The following PRKCE variants were observed in gnomAD, a reference collection of about 807,000 sequenced individuals.
The protein encoded by PRKCE is protein kinase C epsilon type.
PRKCE carries 16 observed loss-of-function variants against 85.4 expected under a neutral mutation model. The ratio of observed to expected loss-of-function variants is 0.19; its 90% CI spans 0.13 to 0.28. The LOEUF is 0.28. PRKCE is among the 10% of genes least tolerant of loss of function. The pLI is 1.00. For synonymous variants in PRKCE, 388 were observed against 371.5 expected (o/e 1.04, Z -0.51); for missense variants, 573 against 975.2 (o/e 0.59, Z 5.49).
chr2:46,082,529 C>T (rs959572344), intron 10 of PRKCE, among the ~76,000 whole-genome samples: 15 of 152,022 alleles, frequency 9.9e-5, no homozygotes, highest in Admixed American at 2.6e-4. Flanking sequence ...ATGTCAGAAC[C>T]GCAGTTGGAT....
rs1017078510 is a variant in PRKCE at position 45,715,664 on chromosome 2, G to T, written c.348+63216G>T. Reference sequence around the variant, plus strand: ...CAAGTCCCTTTTAAAAACAACATCTGCATGGTAAGGTATAAAGAGGAGATG... The same window carrying T: ...CAAGTCCCTTTTAAAAACAACATCTTCATGGTAAGGTATAAAGAGGAGATG... On this transcript the variant is annotated intron_variant, in intron 1 of 14. Transcript: ENST00000306156. Among the ~76,000 whole-genome samples, 5 of 152,302 alleles carry T rather than the reference G, an allele frequency of 3.3e-5. No individual in the cohort carries two copies. In the East Asian group the frequency reaches 9.6e-4, roughly 29 times the overall value.
intron 2 of PRKCE, among the ~76,000 whole-genome samples, chr2:45,855,689 C>T (rs1692616436): frequency 6.6e-6 from 1 of 152,136 alleles, no homozygotes; most frequent in African/African-American, 2.4e-5. Context: ...GGATTTTCTC[C>T]TCAAACTTAG....
intron 1 of PRKCE, among the ~76,000 whole-genome samples, chr2:45,758,459 A>T (rs1451756188): frequency 1.3e-5 from 2 of 152,226 alleles, no homozygotes; most frequent in Non-Finnish European, 2.9e-5. Context: ...AACTGCTTCT[A>T]GCTTGTCCCT....
At chr2:45,810,521 A>C (rs1343337499) in intron 1 of PRKCE, among the ~76,000 whole-genome samples, 1 of 152,214 alleles carries the variant, frequency 6.6e-6, no homozygotes, top group Non-Finnish European at 1.5e-5. Context: ...AGGTGAGCCT[A>C]TAATTAGCTG....
At chr2:45,688,358 T>C (rs113484344) in intron 1 of PRKCE, among the ~76,000 whole-genome samples, 1 of 152,154 alleles carries the variant, frequency 6.6e-6, no homozygotes, top group Non-Finnish European at 1.5e-5. Context: ...GAGGGTAAGC[T>C]GAGATTCATG....
At chr2:45,980,261 G>A (rs1702779963) in intron 4 of PRKCE, 35 bp from the exon 5 acceptor site, 1 of 1,592,768 alleles carries the variant, frequency 6.3e-7, no homozygotes, top group Non-Finnish European at 8.5e-7. Flanking sequence ...CCTTTCCTGA[G>A]TGTCATTCAG....
chr2:46,067,724 C>T (rs780959489), intron 10 of PRKCE, among the ~76,000 whole-genome samples: 5 of 152,138 alleles, frequency 3.3e-5, no homozygotes, highest in African/African-American at 9.7e-5. Flanking sequence ...TAAAACTTCC[C>T]GTTAGTTTAA....
intron 2 of PRKCE, chr2:45,845,367 G>A (rs1224172249): frequency 7.8e-6 from 1 of 127,482 alleles, no homozygotes; most frequent in Admixed American, 9.6e-5. Context: ...ACAGACTGTG[G>A]ACTAAGTATT....
At chr2:45,986,397 C>T (rs1366729220) in intron 6 of PRKCE, among the ~76,000 whole-genome samples, 1 of 152,104 alleles carries the variant, frequency 6.6e-6, no homozygotes, top group Non-Finnish European at 1.5e-5. Context: ...AGGGGACTGA[C>T]TGTTGATACA....
At chr2:45,915,351 T>C (rs745447944) in intron 2 of PRKCE, among the ~76,000 whole-genome samples, 1 of 152,262 alleles carries the variant, frequency 6.6e-6, no homozygotes, top group African/African-American at 2.4e-5. Flanking sequence ...TTAATGCATC[T>C]GTTCTTAGCT....
At chr2:45,736,596 C>T (rs912886148) in intron 1 of PRKCE, among the ~76,000 whole-genome samples, 4 of 152,234 alleles carry the variant, frequency 2.6e-5, no homozygotes, top group Non-Finnish European at 5.9e-5. Context: ...CACTGCCTGC[C>T]TCTCCATCAA....
chr2:45,987,598 C>G (rs1263053827), intron 6 of PRKCE, among the ~76,000 whole-genome samples: 2 of 151,650 alleles, frequency 1.3e-5, no homozygotes, highest in African/African-American at 2.4e-5. Flanking sequence ...ACATGGCCTC[C>G]CCCCACCAGC....
intron 10 of PRKCE, among the ~76,000 whole-genome samples, chr2:46,059,506 A>G (rs1226522607): frequency 6.6e-6 from 1 of 152,220 alleles, no homozygotes; most frequent in Non-Finnish European, 1.5e-5. Context: ...GTACTTCAGT[A>G]GTCTCTTTCC....
chr2:46,000,027 C>G (rs867763169), intron 6 of PRKCE, among the ~76,000 whole-genome samples: 1 of 152,130 alleles, frequency 6.6e-6, no homozygotes, highest in African/African-American at 2.4e-5. Context: ...CCATTAGAAC[C>G]CTTAGCATAT....
At chr2:45,940,199 C>A (rs753223628) in intron 2 of PRKCE, among the ~76,000 whole-genome samples, 5 of 152,136 alleles carry the variant, frequency 3.3e-5, no homozygotes, top group Non-Finnish European at 5.9e-5. Flanking sequence ...TAATCTGGCA[C>A]CAGTCCTCAG....
chr2:46,005,725 C>T (rs1285287934), intron 8 of PRKCE, among the ~76,000 whole-genome samples: 1 of 152,090 alleles, frequency 6.6e-6, no homozygotes, highest in African/African-American at 2.4e-5. Flanking sequence ...ATGCACCAGC[C>T]CTGAGGCCAC....
chr2:45,757,474 C>G (rs966892684), intron 1 of PRKCE, among the ~76,000 whole-genome samples: 14 of 151,944 alleles, frequency 9.2e-5, no homozygotes, highest in African/African-American at 3.1e-4. Context: ...TAAAACCAGT[C>G]TGGGCAACAT....
At chr2:45,669,724 A>G (rs1676068822) in intron 1 of PRKCE, among the ~76,000 whole-genome samples, 1 of 152,168 alleles carries the variant, frequency 6.6e-6, no homozygotes, top group African/African-American at 2.4e-5. Flanking sequence ...ATTAAAATGT[A>G]TATCGGCCGG....
chr2:45,706,462 T>C (rs1679122151), intron 1 of PRKCE, among the ~76,000 whole-genome samples: 1 of 152,188 alleles, frequency 6.6e-6, no homozygotes, highest in African/African-American at 2.4e-5. Flanking sequence ...TTCTCCCAGG[T>C]CGGAGGAACT....
Sources: allele counts gnomAD v4.1 joint callset (sites outside exome capture counted in the v4.1 genomes callset), GRCh38; gene constraint gnomAD v4.1.1; transcripts MANE v1.5; gene names NCBI Gene and HGNC (gene_info 2026-07-23, HGNC 2026-07-21).